Variants in MAU2 observed in about 807,000 individuals in gnomAD.
The protein encoded by MAU2 is MAU2 sister chromatid cohesion factor, also known as MAU2 chromatid cohesion factor homolog.
A neutral mutation model predicts 89.1 loss-of-function variants in MAU2; 9 were observed. The ratio of observed to expected loss-of-function variants is 0.10; its 90% CI spans 0.06 to 0.18. MAU2 has a LOEUF of 0.18. Ranked by LOEUF, MAU2 falls within the 10% of genes least tolerant of loss-of-function variation. The pLI is 1.00. For missense variants in MAU2, 425 were observed against 803.5 expected (o/e 0.53, Z 5.69); for synonymous variants, 357 against 343.4 (o/e 1.04, Z -0.44).
chr19:19,341,242 C>G lies in MAU2; in HGVS notation c.580-10C>G, dbSNP rs1214903373. ...CCCTGTACCCTACACCTGCGCCTCT[C>G]CCTCCCCAGCTGCTGCTGATGGAGC... On this transcript the variant is annotated splice_polypyrimidine_tract_variant and intron_variant, in intron 6 of 18. Transcript: ENST00000262815. 1 of 1,609,112 alleles carries G rather than the reference C, an allele frequency of 6.2e-7. No individual in the cohort carries two copies. Among genetic ancestry groups the G allele is most frequent in the African/African-American group, 1.3e-5 (1 of 74,882 alleles).
intron 16 of MAU2, 23 bp from the exon 17 acceptor site, chr19:19,354,332 C>T (rs1044530947): frequency 6.2e-7 from 1 of 1,601,324 alleles, no homozygotes; most frequent in African/African-American, 1.3e-5. Context: ...TCCTCACTCC[C>T]CCTTGCTGCT....
intron 1 of MAU2, among the ~76,000 whole-genome samples, chr19:19,322,201 T>A (rs1309871248): frequency 6.6e-6 from 1 of 152,158 alleles, no homozygotes; most frequent in Non-Finnish European, 1.5e-5. Flanking sequence ...GGTTTCACCG[T>A]GTTAGCCAGG....
intron 3 of MAU2, 37 bp downstream of exon 3, chr19:19,336,224 T>A (rs1172579857): frequency 2.7e-6 from 4 of 1,467,654 alleles, no homozygotes; most frequent in Non-Finnish European, 3.8e-6. Flanking sequence ...GCAAAGTGTC[T>A]CTCCGTGTCG....
intron 13 of MAU2, chr19:19,348,191 C>T (rs1028031674): frequency 1.3e-5 from 2 of 154,178 alleles, no homozygotes; most frequent in Non-Finnish European, 2.9e-5. Flanking sequence ...ATAGGGAGAC[C>T]CCCATTTCTA....
intron 18 of MAU2, 124 bp downstream of exon 18, chr19:19,355,515 C>T: frequency 2.1e-6 from 3 of 1,428,040 alleles, no homozygotes; most frequent in African/African-American, 1.4e-5. Flanking sequence ...CAGGTGATCC[C>T]TTGATGGGGG....
intron 1 of MAU2, among the ~76,000 whole-genome samples, chr19:19,333,546 C>T (rs891330873): frequency 2.0e-5 from 3 of 152,170 alleles, no homozygotes; most frequent in South Asian, 2.1e-4. Flanking sequence ...GGCCTGAGCT[C>T]GGTGGCATAG....
rs2048181054 is a variant in MAU2, at chr19:19,356,514, G to A, written c.*732G>A. 1.2e-5 allele frequency: 2 copies of A among 166,198 alleles called. No individual in the cohort carries two copies. The highest frequency in any genetic ancestry group is 4.8e-5 in the African/African-American group (2 of 41,578). 10.3% of individuals were successfully genotyped at this position (166,198 alleles called of 1,614,324 possible). The stretch of plus-strand genomic sequence containing the variant: ...TGAAGATCTGTGGAGATGGAGCTGG[G>A]AGCTGAGGCTCCTGTTGCACCAGCC... On this transcript the variant is annotated 3_prime_UTR_variant, in exon 19 of 19. Transcript: ENST00000262815.
chr19:19,326,721 C>T lies in MAU2; in HGVS notation c.276+5586C>T, dbSNP rs59069249. Among the ~76,000 whole-genome samples, 611 of 80,252 alleles carry T rather than the reference C, an allele frequency of 7.6e-3. 2 individuals are homozygous for T. The highest frequency in any genetic ancestry group is 0.013 in the Middle Eastern group (2 of 154). The allele number at this position is 80,252 out of a possible 152,430, so 52.6% of individuals were successfully genotyped here. On this transcript the variant is annotated intron_variant, in intron 1 of 18. Transcript: ENST00000262815. ...ATATATGTATATATATATATATATA[C>T]ATATATATATATATACACAAAAATT...
In MAU2 at chr19:19,345,429, G is replaced by A. The variant is rs1387532494; in HGVS notation, c.1221+60G>A. On this transcript the variant is annotated intron_variant, in intron 12 of 18. Transcript: ENST00000262815. The surrounding 1 kb of genome is among the most constrained non-coding windows in gnomAD (Gnocchi z 4.9). ...GCCACACTTCTGAGTAAGGAGTCGG[G>A]CGTGGTCTGTGATGAGGACAGCAGT... 2.6e-6 allele frequency: 4 copies of A among 1,556,222 alleles called. No homozygotes were observed. The highest frequency in any genetic ancestry group is 3.5e-6 in the Non-Finnish European group (4 of 1,132,740).
chr19:19,355,598 G>A, intron 18 of MAU2, 110 bp from the exon 19 acceptor site: 2 of 1,226,584 alleles, frequency 1.6e-6, no homozygotes, highest in Non-Finnish European at 2.3e-6. Context: ...CTGGGGCATG[G>A]AGAACAGAGT....
chr19:19,342,399 T>G, intron 7 of MAU2, 136 bp from the exon 8 acceptor site: 1 of 1,128,814 alleles, frequency 8.9e-7, no homozygotes, highest in Non-Finnish European at 1.2e-6. Context: ...CAGGGGCGGC[T>G]TCATCTTGCA....
In MAU2 at chr19:19,354,459, C is replaced by T. The variant is rs1296801779; in HGVS notation, c.1639+14C>T. ...CACTGCTGAGAGGTGAGTGCAATGG[C>T]CACCCCTCTTCCCCAGCCCCAGCCT... On this transcript the variant is annotated intron_variant, in intron 17 of 18. Coordinates refer to ENST00000262815, the MANE Select transcript of MAU2 (RefSeq NM_015329.4). 3 of 1,606,060 alleles carry T rather than the reference C, an allele frequency of 1.9e-6. No individual in the cohort carries two copies. In the Admixed American group the frequency reaches 5.0e-5, roughly 27 times the overall value.
Position 19,355,374 on chromosome 19 carries a change from G to A in MAU2, c.1750G>A (p.Glu584Lys). The change falls in exon 18 of 19, where the codon GAA becomes AAA. Residue 584 changes from glutamate (E) to lysine (K), a missense_variant. Glu to Lys is a moderately conservative substitution (Grantham distance 56). Transcript: ENST00000262815. ...CCACATTGAGGCCTGCAGCCTCCCC[G>A]AACACAACCTCATCACGGTACGGGT... ...QDHIEACSLP[E>K]HNLITWTDGP... 1 of 1,613,974 alleles carries A rather than the reference G, an allele frequency of 6.2e-7. No individual in the cohort carries two copies. Among genetic ancestry groups the A allele is most frequent in the Non-Finnish European group, 8.5e-7 (1 of 1,179,952 alleles).
chr19:19,335,747 G>A lies in MAU2; in HGVS notation c.294+12G>A, dbSNP rs565341228. 107 of 1,613,648 alleles carry A rather than the reference G, an allele frequency of 6.6e-5. No homozygotes were observed. The highest frequency in any genetic ancestry group is 5.5e-4 in the African/African-American group (41 of 75,014). On this transcript the variant is annotated intron_variant, in intron 2 of 18. Transcript: ENST00000262815. ...TGATATCACAGCAAGTATCCTTTCCGTGTTGGTATGGTTCCCTTTAAGGAA... is the reference window on the plus strand; with the variant it reads ...TGATATCACAGCAAGTATCCTTTCCATGTTGGTATGGTTCCCTTTAAGGAA...
At chr19:19,340,967 T>C in intron 6 of MAU2, 94 bp downstream of exon 6, 1 of 1,536,984 alleles carries the variant, frequency 6.5e-7, no homozygotes, top group African/African-American at 1.4e-5. Context: ...CCACTCTCCA[T>C]GGCATGGCCC....
chr19:19,332,200 G>T (rs1264348350), intron 1 of MAU2, among the ~76,000 whole-genome samples: 1 of 152,054 alleles, frequency 6.6e-6, no homozygotes, highest in Non-Finnish European at 1.5e-5. Flanking sequence ...TTGCCCTGTT[G>T]CCCAGGCTGG....
intron 1 of MAU2, chr19:19,334,047 G>C (rs2061577272): frequency 5.4e-6 from 2 of 368,310 alleles, no homozygotes; most frequent in Non-Finnish European, 7.5e-6. Flanking sequence ...CCTTCCAGTT[G>C]GTGGCCTTCC....
At chr19:19,344,760 A>C in intron 10 of MAU2, 89 bp from the exon 11 acceptor site, 1 of 1,075,244 alleles carries the variant, frequency 9.3e-7, no homozygotes, top group South Asian at 1.3e-5. Flanking sequence ...ACATGGGCTC[A>C]CCCACCAGCT....
intron 4 of MAU2, among the ~76,000 whole-genome samples, chr19:19,337,589 G>C (rs954825437): frequency 6.6e-6 from 1 of 152,142 alleles, no homozygotes; most frequent in Admixed American, 6.5e-5. Flanking sequence ...CCTCCCAGCC[G>C]TTCTCATCTC....
Sources: allele counts gnomAD v4.1 joint callset (sites outside exome capture counted in the v4.1 genomes callset), GRCh38; gene constraint gnomAD v4.1.1; non-coding constraint Gnocchi (gnomAD v3.1); transcripts MANE v1.5; gene names NCBI Gene and HGNC (gene_info 2026-07-23, HGNC 2026-07-21).